The following AP3S2 variants were observed in gnomAD, a reference collection of about 807,000 sequenced individuals.
The protein encoded by AP3S2 is AP-3 complex subunit sigma-2.
AP3S2 carries 22 observed loss-of-function variants against 23.4 expected under a neutral mutation model. The ratio of observed to expected loss-of-function variants is 0.94; its 90% CI spans 0.67 to 1.34. The LOEUF is 1.34. Among genes scored for constraint, AP3S2 ranks in the 40% most tolerant of loss-of-function variants. The pLI is 0.00. For missense variants in AP3S2, 241 were observed against 236.9 expected (o/e 1.02, Z -0.11); for synonymous variants, 86 against 87.1 (o/e 0.99, Z 0.07).
intron 4 of AP3S2, among the ~76,000 whole-genome samples, chr15:89,866,872 TAA>T (rs1896136606): frequency 6.6e-6 from 1 of 152,102 alleles, no homozygotes. Context: ...AGGTGCCTGA[TAA>T]AAAAGACAGC....
intron 4 of AP3S2, among the ~76,000 whole-genome samples, chr15:89,839,121 A>C (rs1388721971): frequency 1.3e-5 from 2 of 152,154 alleles, no homozygotes; most frequent in Admixed American, 1.3e-4. Flanking sequence ...CAGGGGGCAA[A>C]TTCACCCCAG....
chr15:89,859,854 C>T lies in AP3S2; in HGVS notation c.345+11621G>A, dbSNP rs182467651. 6.2e-3 allele frequency among the ~76,000 whole-genome samples: 938 copies of T among 150,874 alleles called. 11 individuals carry two copies. Among genetic ancestry groups the T allele is most frequent in the African/African-American group, 0.022 (884 of 41,024 alleles). ...TCTCGGCTCACTGCAAGCTCCGCCT[C>T]CAGGGTTCATGCCATTCTCCTGCCT... On this transcript the variant is annotated intron_variant, in intron 4 of 5. Transcript: ENST00000336418.
chr15:89,840,389 T>C (rs187515350), intron 4 of AP3S2, among the ~76,000 whole-genome samples: 1 of 152,266 alleles, frequency 6.6e-6, no homozygotes, highest in Admixed American at 6.5e-5. Flanking sequence ...TTTACAACAT[T>C]CATCTAAGGT....
intron 3 of AP3S2, chr15:89,877,254 G>A (rs187112700): frequency 5.2e-6 from 6 of 1,157,622 alleles, no homozygotes; most frequent in Admixed American, 3.9e-5. Context: ...GAACGGGATT[G>A]GGTTTCACAT....
Position 89,868,394 on chromosome 15 carries a change from G to GT in AP3S2, c.345+3080_345+3081insA, listed in dbSNP as rs780925648. ...CGCCCTGTCCGGGAGGGAGGTGGGGGGGTCAGCCCTCCGCCCGGCCAGCCG... is the reference window on the plus strand; with the variant it reads ...CGCCCTGTCCGGGAGGGAGGTGGGGGTGGTCAGCCCTCCGCCCGGCCAGCCG... On this transcript the variant is annotated intron_variant, in intron 4 of 5. Coordinates refer to ENST00000336418, the MANE Select transcript of AP3S2 (RefSeq NM_005829.5). Among the ~76,000 whole-genome samples the GT allele has an allele frequency of 1.8e-3, 123 of 69,162 alleles. 5 individuals carry two copies. The highest frequency in any genetic ancestry group is 2.9e-3 in the Non-Finnish European group (92 of 31,454). 45.4% of individuals were successfully genotyped at this position (69,162 alleles called of 152,430 possible). A position where few individuals can be genotyped will look rare whatever the true frequency, so the allele number is the denominator to read the frequency against.
intron 2 of AP3S2, 135 bp from the exon 3 acceptor site, chr15:89,888,767 G>A (rs1410223080): frequency 9.8e-7 from 1 of 1,015,580 alleles, no homozygotes; most frequent in African/African-American, 1.6e-5. Context: ...TTCTTACTAG[G>A]TGAATGGCAA....
At chr15:89,861,324 G>T (rs764696196) in intron 4 of AP3S2, among the ~76,000 whole-genome samples, 7 of 152,054 alleles carry the variant, frequency 4.6e-5, no homozygotes, top group African/African-American at 1.7e-4. Flanking sequence ...AAAATAAAGC[G>T]CTGGATAAAT....
At chr15:89,879,143 T>C (rs1007726536) in intron 3 of AP3S2, among the ~76,000 whole-genome samples, 3 of 152,272 alleles carry the variant, frequency 2.0e-5, no homozygotes, top group Non-Finnish European at 4.4e-5. Context: ...CCTCCCAAAG[T>C]ATTGGTATTA....
intron 4 of AP3S2, among the ~76,000 whole-genome samples, chr15:89,858,175 C>T (rs1895885912): frequency 1.3e-5 from 2 of 152,034 alleles, no homozygotes; most frequent in South Asian, 2.1e-4. Flanking sequence ...TGGTGGCTCA[C>T]ACCTGCAATC....
At chr15:89,837,554 C>T (rs1400653421) in intron 5 of AP3S2, 61 bp downstream of exon 5, 2 of 1,599,970 alleles carry the variant, frequency 1.3e-6, no homozygotes, top group Non-Finnish European at 1.7e-6. Flanking sequence ...CATGTACACA[C>T]TCCTGCCTCT....
At chr15:89,844,263 C>A (rs1895424927) in intron 4 of AP3S2, among the ~76,000 whole-genome samples, 1 of 16,436 alleles carries the variant, frequency 6.1e-5, no homozygotes. Context: ...TTCTTTCTTT[C>A]TTTCTTTCTC....
At chr15:89,837,818 A>AGCG in intron 4 of AP3S2, 96 bp from the exon 5 acceptor site, 1 of 1,447,082 alleles carries the variant, frequency 6.9e-7, no homozygotes, top group Non-Finnish European at 9.5e-7. Context: ...GAGTGGTCAG[A>AGCG]TATGACCTGT....
At chr15:89,879,505 A>G (rs1279109242) in intron 3 of AP3S2, among the ~76,000 whole-genome samples, 1 of 152,250 alleles carries the variant, frequency 6.6e-6, no homozygotes, top group East Asian at 1.9e-4. Flanking sequence ...TATTATGGAA[A>G]ATCACACACC....
chr15:89,867,483 A>G (rs1896163578), intron 4 of AP3S2, among the ~76,000 whole-genome samples: 1 of 140,832 alleles, frequency 7.1e-6, no homozygotes, highest in African/African-American at 2.7e-5. Context: ...ATCGTCTGGG[A>G]TGTGAGGAGC....
intron 2 of AP3S2, 117 bp from the exon 3 acceptor site, chr15:89,888,749 G>A: frequency 1.7e-6 from 2 of 1,158,826 alleles, no homozygotes; most frequent in Non-Finnish European, 2.4e-6. Flanking sequence ...AACGCTAGAA[G>A]CAGGCCATTC....
intron 3 of AP3S2, among the ~76,000 whole-genome samples, chr15:89,875,612 G>A (rs1414231147): frequency 2.0e-5 from 3 of 152,032 alleles, no homozygotes; most frequent in Admixed American, 2.0e-4. Context: ...GGAGCATAAT[G>A]ACAAAGAACA....
chr15:89,888,907 G>A, intron 2 of AP3S2, 142 bp downstream of exon 2: 1 of 940,004 alleles, frequency 1.1e-6, no homozygotes, highest in Non-Finnish European at 1.6e-6. Context: ...AGAGAATTGT[G>A]TCTCTCCCTG....
chr15:89,852,954 C>A (rs1430354258), intron 4 of AP3S2, among the ~76,000 whole-genome samples: 1 of 152,178 alleles, frequency 6.6e-6, no homozygotes, highest in East Asian at 1.9e-4. Context: ...TGGGCATGCT[C>A]ATGGAGGTCT....
intron 3 of AP3S2, among the ~76,000 whole-genome samples, chr15:89,877,862 T>C (rs940927895): frequency 6.6e-6 from 1 of 152,192 alleles, no homozygotes; most frequent in East Asian, 1.9e-4. Context: ...TTGCATTGGC[T>C]TTAATTTATT....
Sources: allele counts gnomAD v4.1 joint callset (sites outside exome capture counted in the v4.1 genomes callset), GRCh38; gene constraint gnomAD v4.1.1; transcripts MANE v1.5; gene names NCBI Gene and HGNC (gene_info 2026-07-23, HGNC 2026-07-21).